Variants in KCNJ3 observed in about 807,000 individuals in gnomAD.
KCNJ3 encodes the protein G protein-activated inward rectifier potassium channel 1.
A neutral mutation model predicts 39.2 loss-of-function variants in KCNJ3; 4 were observed. The observed-to-expected ratio is 0.10, with a 90% confidence interval of 0.05 to 0.23. KCNJ3 has a LOEUF of 0.23. KCNJ3 is among the 10% of genes least tolerant of loss of function. The probability of loss-of-function intolerance (pLI) is 1.00; values close to 1 mark genes in which losing one functional copy is unlikely to be tolerated. For synonymous variants in KCNJ3, 230 were observed against 237.4 expected, an observed-to-expected ratio of 0.97 and a Z score of 0.29; for missense variants, 276 against 634.9, an observed-to-expected ratio of 0.43 and a Z score of 6.08.
intron 2 of KCNJ3, among the ~76,000 whole-genome samples, chr2:154,772,124 C>T (rs1049723837): frequency 1.3e-5 from 2 of 152,182 alleles, no homozygotes; most frequent in Non-Finnish European, 1.5e-5. Flanking sequence ...AGATGACTGA[C>T]TGGCTTGAGT....
At chr2:154,751,453 A>AGTT (rs1420559450) in intron 2 of KCNJ3, among the ~76,000 whole-genome samples, 2 of 152,004 alleles carry the variant, frequency 1.3e-5, no homozygotes, top group Admixed American at 1.3e-4. Context: ...CTTTATTATT[A>AGTT]ATATCTAGTT....
intron 2 of KCNJ3, among the ~76,000 whole-genome samples, chr2:154,829,240 T>C (rs560291931): frequency 6.6e-6 from 1 of 152,274 alleles, no homozygotes; most frequent in African/African-American, 2.4e-5. Context: ...ATAATGAGCG[T>C]AGTACCCAAT....
chr2:154,811,781 G>A (rs140956561), intron 2 of KCNJ3, among the ~76,000 whole-genome samples: 144 of 152,282 alleles, frequency 9.5e-4, no homozygotes, highest in African/African-American at 3.0e-3. Flanking sequence ...AGGGAAATGG[G>A]ATAGAGGAAG....
intron 2 of KCNJ3, among the ~76,000 whole-genome samples, chr2:154,831,567 A>G (rs1192761520): frequency 2.6e-5 from 4 of 152,170 alleles, no homozygotes; most frequent in East Asian, 1.9e-4. Flanking sequence ...ACAGTGTCCA[A>G]TGGGCCACAT....
chr2:154,720,749 G>T (rs995811570), intron 2 of KCNJ3, among the ~76,000 whole-genome samples: 2 of 152,092 alleles, frequency 1.3e-5, no homozygotes, highest in Non-Finnish European at 2.9e-5. Context: ...ACTAGAGAAG[G>T]TTTGGACCTT....
intron 2 of KCNJ3, among the ~76,000 whole-genome samples, chr2:154,818,956 T>A (rs1687126243): frequency 8.1e-6 from 1 of 122,782 alleles, no homozygotes; most frequent in African/African-American, 3.1e-5. Flanking sequence ...TTTTTAATCA[T>A]CTTGTGAAAT....
In KCNJ3 at chr2:154,856,980, C is replaced by A. The variant is rs180855418; in HGVS notation, c.*1667C>A. On this transcript the variant is annotated 3_prime_UTR_variant, in exon 3 of 3. Coordinates refer to ENST00000295101, the MANE Select transcript of KCNJ3 (RefSeq NM_002239.4). ...GCTCTCATTATTTCCTGTTTTTTAA[C>A]AATTTTGTGATAATTTTATTATTGG... 6 of 152,188 alleles carry A rather than the reference C, an allele frequency of 3.9e-5. No individual in the cohort carries two copies. Among genetic ancestry groups the A allele is most frequent in the Admixed American group, 1.3e-4 (2 of 15,274 alleles). The allele number at this position is 152,188 out of a possible 1,614,324, so 9.4% of individuals were successfully genotyped here. A position where few individuals can be genotyped will look rare whatever the true frequency, so the allele number is the denominator to read the frequency against.
intron 1 of KCNJ3, among the ~76,000 whole-genome samples, chr2:154,708,453 C>A (rs1335064485): frequency 6.6e-6 from 1 of 152,088 alleles, no homozygotes; most frequent in African/African-American, 2.4e-5. Context: ...ATTGGGCAGA[C>A]CAGTCTTACA....
chr2:154,754,258 T>G (rs1685899675), intron 2 of KCNJ3, among the ~76,000 whole-genome samples: 1 of 152,204 alleles, frequency 6.6e-6, no homozygotes, highest in Non-Finnish European at 1.5e-5. Context: ...CAATAAACCT[T>G]ATGTGAACAT....
chr2:154,734,318 G>A lies in KCNJ3; in HGVS notation c.919+24499G>A, dbSNP rs149431280. 2.5e-3 allele frequency among the ~76,000 whole-genome samples: 383 copies of A among 152,202 alleles called. 4 individuals are homozygous for A. The highest frequency in any genetic ancestry group is 8.7e-3 in the African/African-American group (360 of 41,532). On this transcript the variant is annotated intron_variant, in intron 2 of 2. Transcript: ENST00000295101. Reference sequence around the variant, plus strand: ...GAAATACTTGTCCTAAGAGGAATTCGCCCAAAAGGACTACTTGCTGGAGGG... The same window carrying A: ...GAAATACTTGTCCTAAGAGGAATTCACCCAAAAGGACTACTTGCTGGAGGG...
At chr2:154,740,989 T>C (rs1430618719) in intron 2 of KCNJ3, among the ~76,000 whole-genome samples, 1 of 151,970 alleles carries the variant, frequency 6.6e-6, no homozygotes. Context: ...ATCTTATAAC[T>C]GGAATTAATG....
chr2:154,839,177 A>G (rs1450219839), intron 2 of KCNJ3, among the ~76,000 whole-genome samples: 4 of 152,064 alleles, frequency 2.6e-5, no homozygotes, highest in African/African-American at 4.8e-5. Flanking sequence ...GTTTCCACCT[A>G]TGAGTGAGAA....
intron 2 of KCNJ3, among the ~76,000 whole-genome samples, chr2:154,754,291 C>T (rs1013065928): frequency 5.9e-5 from 9 of 152,012 alleles, no homozygotes; most frequent in Middle Eastern, 3.4e-3. Context: ...TTTTTTGAAA[C>T]GGAGTTTCTC....
At chr2:154,756,884 C>G (rs1429245737) in intron 2 of KCNJ3, among the ~76,000 whole-genome samples, 1 of 151,884 alleles carries the variant, frequency 6.6e-6, no homozygotes, top group Admixed American at 6.6e-5. Flanking sequence ...GACATTTGTA[C>G]TGTAGAAAGA....
At chr2:154,847,426 G>A (rs1687680330) in intron 2 of KCNJ3, among the ~76,000 whole-genome samples, 1 of 152,102 alleles carries the variant, frequency 6.6e-6, no homozygotes, top group Non-Finnish European at 1.5e-5. Context: ...AATCCTCAGG[G>A]CAATATGTAG....
intron 2 of KCNJ3, among the ~76,000 whole-genome samples, chr2:154,845,587 C>T (rs1687650584): frequency 6.6e-6 from 1 of 152,152 alleles, no homozygotes; most frequent in South Asian, 2.1e-4. Context: ...ATTAACAATG[C>T]TTTAATAAAT....
At chr2:154,814,287 A>G (rs1687046435) in intron 2 of KCNJ3, among the ~76,000 whole-genome samples, 1 of 152,182 alleles carries the variant, frequency 6.6e-6, no homozygotes, top group Non-Finnish European at 1.5e-5. Flanking sequence ...TATAGTGTCT[A>G]ATATAACGTA....
chr2:154,802,760 A>G (rs1467321358), intron 2 of KCNJ3, among the ~76,000 whole-genome samples: 1 of 152,196 alleles, frequency 6.6e-6, no homozygotes, highest in Non-Finnish European at 1.5e-5. Context: ...ACAGTTTTAT[A>G]GTGAGATACA....
At chr2:154,779,321 C>T (rs1391322247) in intron 2 of KCNJ3, among the ~76,000 whole-genome samples, 3 of 151,328 alleles carry the variant, frequency 2.0e-5, no homozygotes, top group Non-Finnish European at 4.4e-5. Flanking sequence ...TGCTTAGGAA[C>T]CTAAAAGTTG....
Sources: gnomAD v4.1 joint callset for allele counts (sites outside exome capture counted in the v4.1 genomes callset) on GRCh38, gnomAD v4.1.1 for gene constraint, MANE v1.5 for transcripts, NCBI Gene and HGNC (gene_info 2026-07-23, HGNC 2026-07-21) for gene names.